DPP10: variants seen among roughly 807,000 people sequenced by gnomAD.
The protein encoded by DPP10 is dipeptidyl peptidase like 10, also known as inactive dipeptidyl peptidase 10.
DPP10 carries 33 observed loss-of-function variants against 120.9 expected under a neutral mutation model. The ratio of observed to expected loss-of-function variants is 0.27; its 90% confidence interval spans 0.21 to 0.37. The LOEUF is 0.37. DPP10 is among the 10% of genes least tolerant of loss of function. The pLI is 1.00. For synonymous variants in DPP10, 337 were observed against 326.1 expected, an observed-to-expected ratio of 1.03 and a Z score of -0.36; for missense variants, 816 against 942.8, an observed-to-expected ratio of 0.87 and a Z score of 1.76.
At chr2:115,399,967 T>C (rs1324297070) in intron 3 of DPP10, among the ~76,000 whole-genome samples, 1 of 151,800 alleles carries the variant, frequency 6.6e-6, no homozygotes, top group African/African-American at 2.4e-5. Context: ...TCTGGGGAGG[T>C]CTCATGAAGC....
intron 2 of DPP10, among the ~76,000 whole-genome samples, chr2:115,330,993 T>C (rs1183986375): frequency 1.3e-5 from 2 of 152,196 alleles, no homozygotes; most frequent in African/African-American, 2.4e-5. Context: ...GGGGATGGCA[T>C]TGAATCTATA....
At chr2:115,016,615 G>A (rs1702657961) in intron 1 of DPP10, among the ~76,000 whole-genome samples, 1 of 151,688 alleles carries the variant, frequency 6.6e-6, no homozygotes, top group Non-Finnish European at 1.5e-5. Context: ...TCTGACAAAG[G>A]GCTAATATCC....
intron 1 of DPP10, among the ~76,000 whole-genome samples, chr2:114,845,531 A>G (rs1381828259): frequency 6.6e-6 from 1 of 152,168 alleles, no homozygotes; most frequent in Non-Finnish European, 1.5e-5. Flanking sequence ...TTTAAGGCAG[A>G]CAGGGCCACC....
intron 5 of DPP10, among the ~76,000 whole-genome samples, chr2:115,587,946 A>C (rs1468099595): frequency 6.6e-6 from 1 of 152,206 alleles, no homozygotes; most frequent in Non-Finnish European, 1.5e-5. Context: ...CAATTATTAC[A>C]ATTATTACTC....
intron 4 of DPP10, among the ~76,000 whole-genome samples, chr2:115,511,690 C>A (rs2077229317): frequency 6.8e-6 from 1 of 146,142 alleles, no homozygotes. Context: ...TCTTCTTGCC[C>A]TTTTTTCTTC....
At chr2:115,479,246 CAT>C (rs2075283103) in intron 3 of DPP10, among the ~76,000 whole-genome samples, 3 of 152,076 alleles carry the variant, frequency 2.0e-5, no homozygotes, top group African/African-American at 7.2e-5. Flanking sequence ...GAAATTCTGA[CAT>C]ATGCTACAAC....
intron 1 of DPP10, among the ~76,000 whole-genome samples, chr2:114,746,225 A>G (rs1293167888): frequency 1.3e-5 from 2 of 152,026 alleles, no homozygotes; most frequent in Non-Finnish European, 2.9e-5. Context: ...TTCAATCCTT[A>G]CCCAAATGTC....
chr2:115,218,966 C>T (rs1412181375), intron 1 of DPP10, among the ~76,000 whole-genome samples: 1 of 151,910 alleles, frequency 6.6e-6, no homozygotes, highest in Non-Finnish European at 1.5e-5. Flanking sequence ...GCATAAATAC[C>T]CATCCTCATA....
In DPP10 at chr2:115,469,884, G is replaced by GAAAA. The variant is rs1212190142; in HGVS notation, c.272-29614_272-29611dup. Among the ~76,000 whole-genome samples the GAAAA allele has an allele frequency of 1.5e-4, 11 of 75,560 alleles. 1 individual carries two copies. The highest frequency in any genetic ancestry group is 3.1e-4 in the Non-Finnish European group (11 of 35,598). The allele number at this position is 75,560 out of a possible 152,430, so 49.6% of individuals were successfully genotyped here. A position where few individuals can be genotyped will look rare whatever the true frequency, so the allele number is the denominator to read the frequency against. ...TTGCACTCCAGCCTGGGCAACAAGA[G>GAAAA]AAAAAAAAAAAAAAAGAAAAAAAAA... On this transcript the variant is annotated intron_variant, in intron 3 of 25. Transcript: ENST00000410059.
intron 5 of DPP10, among the ~76,000 whole-genome samples, chr2:115,655,275 A>G (rs984663962): frequency 2.6e-5 from 4 of 151,756 alleles, no homozygotes; most frequent in Non-Finnish European, 5.9e-5. Context: ...TTCAATTAAG[A>G]GTCTAGGACA....
At chr2:115,271,291 T>A (rs1165690049) in intron 1 of DPP10, among the ~76,000 whole-genome samples, 1 of 152,192 alleles carries the variant, frequency 6.6e-6, no homozygotes, top group East Asian at 1.9e-4. Flanking sequence ...GCCATTCTAC[T>A]TGTTGGTAAG....
chr2:115,300,124 G>A (rs975572859), intron 1 of DPP10, among the ~76,000 whole-genome samples: 2 of 151,960 alleles, frequency 1.3e-5, no homozygotes, highest in African/African-American at 2.4e-5. Flanking sequence ...TTGACATTAA[G>A]TACATTTGCG....
intron 5 of DPP10, among the ~76,000 whole-genome samples, chr2:115,577,842 A>AT (rs1402896057): frequency 6.6e-6 from 1 of 152,116 alleles, no homozygotes; most frequent in Admixed American, 6.5e-5. Context: ...CACCCTAATG[A>AT]TTTCATTTTA....
rs70941043 is a variant in DPP10 at position 115,289,506 on chromosome 2, G to GAAAAGAAAAGAA, written c.61-19731_61-19730insAAGAAAAGAAAA. On this transcript the variant is annotated intron_variant, in intron 1 of 25. Coordinates refer to ENST00000410059, the MANE Select transcript of DPP10 (RefSeq NM_020868.6). ...AAACCAAAAAAAAAAAAAAAAAAAG[G>GAAAAGAAAAGAA]AAGAAAAGAAAAGAAAAAAGAGCCT... 3.5e-5 allele frequency among the ~76,000 whole-genome samples: 4 copies of GAAAAGAAAAGAA among 114,400 alleles called. No individual in the cohort carries two copies. In the East Asian group the frequency reaches 7.7e-4, roughly 22 times the overall value. The allele number at this position is 114,400 out of a possible 152,430, so 75.1% of individuals were successfully genotyped here.
chr2:115,503,478 C>T (rs1022003718), intron 4 of DPP10, among the ~76,000 whole-genome samples: 1 of 152,108 alleles, frequency 6.6e-6, no homozygotes, highest in Admixed American at 6.6e-5. Flanking sequence ...CACAGTAGCA[C>T]AGATAAAGAA....
Position 115,484,318 on chromosome 2 carries a change from T to C in DPP10, c.272-15192T>C, listed in dbSNP as rs543057573. The stretch of plus-strand genomic sequence containing the variant: ...AGTTATTATGAATGCACACTCATTG[T>C]GTAATAGATCTGTGGTTTGTGTCAC... On this transcript the variant is annotated intron_variant, in intron 3 of 25. Coordinates refer to ENST00000410059, the MANE Select transcript of DPP10 (RefSeq NM_020868.6). 5.9e-5 allele frequency among the ~76,000 whole-genome samples: 9 copies of C among 152,156 alleles called. No homozygotes were observed. The South Asian group carries it at 1.9e-3, about 32-fold the overall frequency.
intron 4 of DPP10, among the ~76,000 whole-genome samples, chr2:115,503,053 T>G (rs2076765554): frequency 6.6e-6 from 1 of 152,046 alleles, no homozygotes; most frequent in Admixed American, 6.6e-5. Context: ...AATTGAGAGA[T>G]AAGACTCTAA....
chr2:114,891,596 C>T (rs1010619239), intron 1 of DPP10, among the ~76,000 whole-genome samples: 15 of 152,258 alleles, frequency 9.9e-5, no homozygotes, highest in Middle Eastern at 3.4e-3. Context: ...ATAAAACATT[C>T]CTCATAATTG....
chr2:114,865,337 G>A (rs1004773164), intron 1 of DPP10, among the ~76,000 whole-genome samples: 1 of 152,168 alleles, frequency 6.6e-6, no homozygotes, highest in Non-Finnish European at 1.5e-5. Context: ...TTATTTACTG[G>A]TGAAACAAGT....
Sources: gnomAD v4.1 joint callset for allele counts (sites outside exome capture counted in the v4.1 genomes callset) on GRCh38, gnomAD v4.1.1 for gene constraint, MANE v1.5 for transcripts, NCBI Gene and HGNC (gene_info 2026-07-23, HGNC 2026-07-21) for gene names.